UBA2: variants seen among roughly 807,000 people sequenced by gnomAD.
UBA2 encodes the protein ubiquitin like modifier activating enzyme 2.
A neutral mutation model predicts 77.2 loss-of-function variants in UBA2; 11 were observed. That is an observed-to-expected ratio of 0.14 (90% CI 0.09 to 0.24). The LOEUF (loss-of-function observed/expected upper bound fraction) is 0.24. Ranked by LOEUF, UBA2 falls within the 10% of genes least tolerant of loss-of-function variation. The pLI is 1.00. For synonymous variants in UBA2, 278 were observed against 276.7 expected (o/e 1.00, Z -0.05); for missense variants, 487 against 781.7 (o/e 0.62, Z 4.50).
intron 15 of UBA2, 53 bp downstream of exon 15, chr19:34,464,184 T>G (rs2075663047): frequency 1.3e-5 from 16 of 1,220,880 alleles, no homozygotes; most frequent in Non-Finnish European, 1.9e-5. Context: ...ATATAAACTT[T>G]AGACAAAATG....
rs2075534492 is a variant in UBA2 at position 34,454,270 on chromosome 19, C to T, written c.1049C>T (p.Ser350Phe). 6.2e-7 allele frequency: 1 copy of T among 1,610,176 alleles called. No individual in the cohort carries two copies. Among genetic ancestry groups the T allele is most frequent in the African/African-American group, 1.3e-5 (1 of 74,878 alleles). Residue 350 changes from serine to phenylalanine, a missense_variant, in exon 11 of 17, where the codon TCT becomes TTT. Transcript: ENST00000246548. ...AELIWDKDDP[S>F]AMDFVTSAAN... ...TTAAATTATTGGCAGGATGACCCATCTGCAATGGATTTTGTCACCTCTGCT... is the reference window on the plus strand; with the variant it reads ...TTAAATTATTGGCAGGATGACCCATTTGCAATGGATTTTGTCACCTCTGCT...
intron 12 of UBA2, among the ~76,000 whole-genome samples, chr19:34,457,179 AATATATATATATAT>A (rs766043321): frequency 1.9e-5 from 1 of 53,224 alleles, no homozygotes; most frequent in East Asian, 1.3e-3. Flanking sequence ...AAAAAAAAAA[AATATATATATATAT>A]ATATATATAT....
At chr19:34,444,928 C>A in intron 7 of UBA2, 72 bp from the exon 8 acceptor site, 1 of 1,488,898 alleles carries the variant, frequency 6.7e-7, no homozygotes, top group African/African-American at 1.4e-5. Context: ...TCTTTTTATT[C>A]CCAAAGGTGA....
intron 1 of UBA2, chr19:34,429,016 C>G (rs1260423368): frequency 1.0e-6 from 1 of 985,100 alleles, no homozygotes; most frequent in African/African-American, 1.8e-5. Context: ...ACCAACGCGT[C>G]CCGAGCGCTG....
At position 34,434,868 on chromosome 19, in the gene UBA2, C is replaced by G. The variant is rs945719866; in HGVS notation, c.359C>G (p.Ala120Gly). Residue 120 changes from alanine to glycine, a missense_variant and splice_region_variant, in exon 5 of 17, where the codon GCT (alanine) becomes GGT (glycine). Ala to Gly is a moderately conservative substitution (Grantham distance 60). This residue lies in a region of UBA2 where 66 missense variants were observed against 112.0 expected (regional missense o/e 0.59). Coordinates refer to ENST00000246548, the MANE Select transcript of UBA2 (RefSeq NM_005499.3). The stretch of plus-strand genomic sequence containing the variant: ...CTCATACTGTTTGTTTTACTTCCAG[C>G]TGCCCGAAACCATGTTAATAGAATG... ...ILVMNALDNR[A>G]ARNHVNRMCL... is the part of the protein sequence containing the mutation. 8.8e-6 allele frequency: 14 copies of G among 1,596,618 alleles called. No homozygotes were observed. The highest frequency in any genetic ancestry group is 5.1e-5 in the Admixed American group (3 of 58,682).
intron 8 of UBA2, among the ~76,000 whole-genome samples, chr19:34,445,614 T>C (rs974523369): frequency 5.9e-5 from 9 of 152,034 alleles, no homozygotes; most frequent in African/African-American, 2.4e-5. Context: ...AATTTTGTAT[T>C]TTTAGTAGAA....
At chr19:34,436,321 C>T (rs1024147904) in intron 5 of UBA2, among the ~76,000 whole-genome samples, 2 of 151,942 alleles carry the variant, frequency 1.3e-5, no homozygotes, top group Admixed American at 6.6e-5. Context: ...TTTTTTGAGA[C>T]AGAATTTCGC....
chr19:34,432,010 T>C lies in UBA2; in HGVS notation c.293+79T>C, dbSNP rs540028235. 1.1e-5 allele frequency: 12 copies of C among 1,111,616 alleles called. No homozygotes were observed. The East Asian group carries it at 2.5e-4, about 23-fold the overall frequency. 68.9% of individuals were successfully genotyped at this position (1,111,616 alleles called of 1,614,324 possible). On this transcript the variant is annotated intron_variant, in intron 3 of 16. Transcript: ENST00000246548. ...ATATAAGCTCAAAGTCATTCAGCTT[T>C]TTTAAAAAAAATGATTTTTCTAGAA... is the stretch of plus-strand genomic sequence containing the variant.
chr19:34,446,408 C>T (rs1487847016), intron 8 of UBA2, among the ~76,000 whole-genome samples: 1 of 152,122 alleles, frequency 6.6e-6, no homozygotes, highest in African/African-American at 2.4e-5. Context: ...TGGTGTTTTG[C>T]TTTCCTTTTG....
intron 12 of UBA2, 93 bp from the exon 13 acceptor site, chr19:34,458,676 T>A: frequency 2.6e-6 from 3 of 1,159,110 alleles, no homozygotes; most frequent in Non-Finnish European, 3.5e-6. Flanking sequence ...TAAGTCATTT[T>A]TTATTGGATA....
intron 1 of UBA2, 151 bp downstream of exon 1, chr19:34,428,721 C>A: frequency 8.9e-7 from 1 of 1,117,968 alleles, no homozygotes; most frequent in Non-Finnish European, 1.1e-6. Context: ...TCGGGTTGTG[C>A]CCCCCCCGCG....
rs755837722 is a variant in UBA2, at chr19:34,452,150, T to G, written c.1038+3T>G. The G allele has an allele frequency of 7.6e-6, 12 of 1,577,614 alleles. No homozygotes were observed. Among genetic ancestry groups the G allele is most frequent in the Middle Eastern group, 3.4e-4 (2 of 5,948 alleles). On this transcript the variant is annotated splice_donor_region_variant and intron_variant, in intron 10 of 16. Transcript: ENST00000246548. ...GAGCTGAGCTCATATGGGATAAGGT[T>G]CGTTTTGACAATGTGTGGCAAGTAC...
chr19:34,443,408 C>T (rs1346868262), intron 6 of UBA2, among the ~76,000 whole-genome samples: 1 of 147,772 alleles, frequency 6.8e-6, no homozygotes, highest in Non-Finnish European at 1.5e-5. Flanking sequence ...TTGTGTTAAA[C>T]TTTTAAGTTT....
intron 5 of UBA2, among the ~76,000 whole-genome samples, chr19:34,436,380 A>C (rs1599892176): frequency 6.6e-6 from 1 of 151,734 alleles, no homozygotes; most frequent in Non-Finnish European, 1.5e-5. Context: ...GCTCGCCGCA[A>C]CCTCCGTCTC....
intron 8 of UBA2, 129 bp downstream of exon 8, chr19:34,445,250 C>G: frequency 1.1e-6 from 1 of 898,610 alleles, no homozygotes; most frequent in Non-Finnish European, 1.6e-6. Flanking sequence ...CTTGTGATGT[C>G]CTAATAAAAT....
chr19:34,467,710 T>A (rs1227847850), intron 16 of UBA2, among the ~76,000 whole-genome samples: 3 of 152,138 alleles, frequency 2.0e-5, no homozygotes, highest in African/African-American at 7.2e-5. Context: ...TGAGCTGGGA[T>A]CGCGCCACTG....
intron 3 of UBA2, among the ~76,000 whole-genome samples, chr19:34,432,457 G>A (rs969372670): frequency 3.9e-5 from 6 of 152,154 alleles, no homozygotes; most frequent in African/African-American, 1.4e-4. Context: ...TTTATCTATG[G>A]TGGTTTAGCT....
intron 8 of UBA2, among the ~76,000 whole-genome samples, chr19:34,446,102 C>T (rs1256795373): frequency 1.3e-5 from 2 of 152,070 alleles, no homozygotes; most frequent in Non-Finnish European, 2.9e-5. Flanking sequence ...AAGTCTCAAA[C>T]TCCTGGGTTC....
intron 2 of UBA2, among the ~76,000 whole-genome samples, chr19:34,431,509 C>T (rs980502004): frequency 5.3e-5 from 8 of 151,860 alleles, no homozygotes; most frequent in African/African-American, 1.7e-4. Flanking sequence ...TTGACATGTA[C>T]GTTGTATAGT....
Sources: allele counts gnomAD v4.1 joint callset (sites outside exome capture counted in the v4.1 genomes callset), GRCh38; gene constraint gnomAD v4.1.1; regional missense constraint gnomAD v4.1.1; transcripts MANE v1.5; gene names NCBI Gene and HGNC (gene_info 2026-07-23, HGNC 2026-07-21).